The following PCDH9 variants were observed in gnomAD, a reference collection of about 807,000 sequenced individuals.
The protein encoded by PCDH9 is protocadherin-9.
PCDH9 carries 24 observed loss-of-function variants against 70.6 expected under a neutral mutation model. The observed-to-expected ratio is 0.34, with a 90% CI of 0.25 to 0.48. PCDH9 has a LOEUF of 0.48. PCDH9 is among the 20% of genes least tolerant of loss of function. PCDH9 has a pLI of 0.99. For synonymous variants in PCDH9, 562 were observed against 558.5 expected (o/e 1.01, Z -0.09); for missense variants, 1,281 against 1,503.6 (o/e 0.85, Z 2.45).
chr13:66,314,347 TG>T (rs1955614050), intron 4 of PCDH9, among the ~76,000 whole-genome samples: 1 of 152,156 alleles, frequency 6.6e-6, no homozygotes, highest in African/African-American at 2.4e-5. Context: ...TCGGTAGGTT[TG>T]GGGGGTAAGT....
chr13:66,827,360 CAA>C (rs71110608), intron 3 of PCDH9, among the ~76,000 whole-genome samples: 2,294 of 120,262 alleles, frequency 0.019, 70 homozygotes, highest in African/African-American at 0.065. Flanking sequence ...AGGAAAATGG[CAA>C]AAAAAAAAAA....
At chr13:66,565,389 C>G (rs572437161) in intron 4 of PCDH9, among the ~76,000 whole-genome samples, 1 of 152,224 alleles carries the variant, frequency 6.6e-6, no homozygotes, top group Admixed American at 6.5e-5. Flanking sequence ...AGATTCACAG[C>G]ATATGATAAA....
chr13:66,934,941 C>T (rs1192631954), intron 2 of PCDH9, among the ~76,000 whole-genome samples: 2 of 150,948 alleles, frequency 1.3e-5, no homozygotes, highest in African/African-American at 2.4e-5. Flanking sequence ...AGGATGGTCT[C>T]GATCTCCTGA....
chr13:66,498,479 G>A (rs1959152162), intron 4 of PCDH9, among the ~76,000 whole-genome samples: 1 of 151,572 alleles, frequency 6.6e-6, no homozygotes, highest in African/African-American at 2.4e-5. Flanking sequence ...AAAGAATATA[G>A]GGAAGAACAC....
chr13:66,319,782 A>G (rs1955720511), intron 4 of PCDH9, among the ~76,000 whole-genome samples: 2 of 152,100 alleles, frequency 1.3e-5, no homozygotes, highest in South Asian at 4.1e-4. Context: ...TCAAAAGCAA[A>G]TGTGGAAAAG....
chr13:66,562,036 C>T (rs1026471343), intron 4 of PCDH9, among the ~76,000 whole-genome samples: 1 of 152,022 alleles, frequency 6.6e-6, no homozygotes, highest in Non-Finnish European at 1.5e-5. Flanking sequence ...AAGGAAGAAA[C>T]TCTGAACACA....
At chr13:67,210,487 T>G (rs562749942) in intron 2 of PCDH9, 1 of 152,160 alleles carries the variant, frequency 6.6e-6, no homozygotes, top group South Asian at 2.1e-4. Context: ...AACACTGATG[T>G]GCACTATTTG....
intron 2 of PCDH9, among the ~76,000 whole-genome samples, chr13:67,152,817 G>A (rs1381754336): frequency 6.6e-6 from 1 of 152,182 alleles, no homozygotes; most frequent in Non-Finnish European, 1.5e-5. Flanking sequence ...GAGTAAGAAT[G>A]AGGAAGATGA....
At chr13:66,600,342 G>A (rs1240767642) in intron 4 of PCDH9, among the ~76,000 whole-genome samples, 6 of 151,752 alleles carry the variant, frequency 4.0e-5, no homozygotes, top group Non-Finnish European at 7.4e-5. Flanking sequence ...AGTCTACTGA[G>A]GAATTGTCTC....
At chr13:66,749,949 G>T (rs985865990) in intron 3 of PCDH9, among the ~76,000 whole-genome samples, 7 of 152,010 alleles carry the variant, frequency 4.6e-5, no homozygotes, top group Admixed American at 4.6e-4. Flanking sequence ...ATATAATTTT[G>T]ATCTGTCCAT....
At chr13:67,101,795 T>TGAGAAGAGGCA (rs932294438) in intron 2 of PCDH9, among the ~76,000 whole-genome samples, 10 of 152,220 alleles carry the variant, frequency 6.6e-5, no homozygotes, top group African/African-American at 2.4e-4. Context: ...CAAGTGACAT[T>TGAGAAGAGGCA]GAGAAGAGGC....
At chr13:66,399,048 C>T (rs1230931278) in intron 4 of PCDH9, among the ~76,000 whole-genome samples, 1 of 152,028 alleles carries the variant, frequency 6.6e-6, no homozygotes, top group Non-Finnish European at 1.5e-5. Context: ...AAATAGTGGA[C>T]TGGAAACTAT....
At chr13:66,512,283 TA>T (rs1555301527) in intron 4 of PCDH9, among the ~76,000 whole-genome samples, 2 of 49,030 alleles carry the variant, frequency 4.1e-5, no homozygotes, top group African/African-American at 1.6e-4. Flanking sequence ...CCTTAGGAAT[TA>T]TATATATATA....
intron 2 of PCDH9, among the ~76,000 whole-genome samples, chr13:66,969,000 T>C (rs1216200536): frequency 6.6e-6 from 1 of 152,058 alleles, no homozygotes; most frequent in Non-Finnish European, 1.5e-5. Flanking sequence ...TGGAACCCTT[T>C]AGCTGTAACA....
chr13:66,944,843 G>GTGTGTGTGTGTGTC (rs1555289283), intron 2 of PCDH9, among the ~76,000 whole-genome samples: 35 of 150,548 alleles, frequency 2.3e-4, no homozygotes, highest in African/African-American at 6.9e-4. Flanking sequence ...GTGTGTGTGT[G>GTGTGTGTGTGTGTC]TGTGTGTGTG....
Position 66,323,518 on chromosome 13 carries a change from G to T in PCDH9, c.3341-18490C>A, listed in dbSNP as rs76940322. On this transcript the variant is annotated intron_variant, in intron 4 of 4. Transcript: ENST00000377865. Reference sequence around the variant, plus strand: ...ATCATTGTGTTCCTGAAGAAACAAAGAACTGGTTTTCTTCTAAGGAATTAA... The same window carrying T: ...ATCATTGTGTTCCTGAAGAAACAAATAACTGGTTTTCTTCTAAGGAATTAA... 9.9e-5 allele frequency: 15 copies of T among 152,074 alleles called. No homozygotes were observed. In the East Asian group the frequency reaches 2.9e-3, roughly 29 times the overall value. The allele number at this position is 152,074 out of a possible 1,614,324, so 9.4% of individuals were successfully genotyped here.
At chr13:66,609,138 TTATA>T (rs150232422) in intron 4 of PCDH9, among the ~76,000 whole-genome samples, 2,176 of 152,262 alleles carry the variant, frequency 0.014, 48 homozygotes, top group African/African-American at 0.05. Context: ...AATTAGCTGT[TTATA>T]TAATCCAGTG....
chr13:66,400,730 G>A (rs1266599534), intron 4 of PCDH9, among the ~76,000 whole-genome samples: 4 of 152,124 alleles, frequency 2.6e-5, no homozygotes, highest in African/African-American at 4.8e-5. Context: ...GAAAATTTGA[G>A]TGGAAAATGC....
chr13:66,610,731 G>A (rs9529103), intron 4 of PCDH9, among the ~76,000 whole-genome samples: 88,134 of 151,966 alleles, frequency 0.58, 26,791 homozygotes, highest in East Asian at 0.69. Context: ...ATCCTCTTCT[G>A]AATGAAGCAC....
Sources: allele counts gnomAD v4.1 joint callset (sites outside exome capture counted in the v4.1 genomes callset), GRCh38; gene constraint gnomAD v4.1.1; transcripts MANE v1.5; gene names NCBI Gene and HGNC (gene_info 2026-07-23, HGNC 2026-07-21).